Variants in MGAT2 observed in about 807,000 individuals in gnomAD.
MGAT2 encodes the protein alpha-1,6-mannosyl-glycoprotein 2-beta-N-acetylglucosaminyltransferase.
MGAT2 carries 17 observed loss-of-function variants against 33.8 expected under a neutral mutation model. That is an observed-to-expected ratio of 0.50 (90% CI 0.34 to 0.76). The LOEUF (loss-of-function observed/expected upper bound fraction) is 0.76. Ranked by LOEUF, MGAT2 falls within the 30% of genes least tolerant of loss-of-function variation. MGAT2 has a pLI of 0.01. For synonymous variants in MGAT2, 248 were observed against 226.7 expected (o/e 1.09, Z -0.84); for missense variants, 529 against 553.9 (o/e 0.96, Z 0.45).
chr14:49,622,645 T>C lies in MGAT2; in HGVS notation c.*33T>C. 6.3e-7 allele frequency: 1 copy of C among 1,583,510 alleles called. No individual in the cohort carries two copies. Among genetic ancestry groups the C allele is most frequent in the Non-Finnish European group, 8.5e-7 (1 of 1,170,342 alleles). ...AGTTACAAAAGCGACAGTCTTCTAT[T>C]TTTGATATTTGTCCAAACAGGACAT... On this transcript the variant is annotated 3_prime_UTR_variant, in exon 1 of 1. Coordinates refer to ENST00000305386, the MANE Select transcript of MGAT2 (RefSeq NM_002408.4).
chr14:49,621,795 T>A lies in MGAT2; in HGVS notation c.527T>A (p.Phe176Tyr). 6.2e-7 allele frequency: 1 copy of A among 1,614,186 alleles called. No homozygotes were observed. The highest frequency in any genetic ancestry group is 1.6e-4 in the Middle Eastern group (1 of 6,062). ...GVNFCPVLQV[F>Y]FPFSIQLYPN... ...AATTTCTGTCCGGTTCTGCAGGTGT[T>A]CTTTCCTTTCAGCATTCAGTTGTAC... Residue 176 changes from phenylalanine (F) to tyrosine (Y), a missense_variant, in exon 1 of 1, where the codon TTC becomes TAC. Coordinates refer to ENST00000305386, the MANE Select transcript of MGAT2 (RefSeq NM_002408.4). The surrounding 1 kb of genome is among the most constrained non-coding windows in gnomAD (Gnocchi z 4.6).
Position 49,621,506 on chromosome 14 carries a change from C to G in MGAT2, c.238C>G (p.Pro80Ala), listed in dbSNP as rs778901269. The G allele has an allele frequency of 2.5e-6, 4 of 1,611,952 alleles. No individual in the cohort carries two copies. Among genetic ancestry groups the G allele is most frequent in the Non-Finnish European group, 3.4e-6 (4 of 1,178,998 alleles). ...GGCGGCTTCCCTGGTCCCGGCGGTC[C>G]CCCAGCCCGAGGCGGACAACCTGAC... Reference protein sequence around the residue: ...VSAASLVPAVPQPEADNLTLR... With the variant: ...VSAASLVPAVAQPEADNLTLR... Residue 80 changes from proline to alanine, a missense_variant, in exon 1 of 1, where the codon CCC (proline) becomes GCC (alanine). By Grantham distance (27) the Pro-to-Ala change is conservative. Coordinates refer to ENST00000305386, the MANE Select transcript of MGAT2 (RefSeq NM_002408.4). This position sits in a 1 kb window ranked among gnomAD's most constrained non-coding sequence, Gnocchi z 4.6.
rs763942335 is a variant in MGAT2 at position 49,622,189 on chromosome 14, A to G, written c.921A>G (p.Val307=). 3.2e-5 allele frequency: 51 copies of G among 1,614,066 alleles called. 2 individuals carry two copies. In the South Asian group the frequency reaches 5.3e-4, roughly 17 times the overall value. Residue 307 remains valine, a synonymous_variant, in exon 1 of 1, where the codon GTA becomes GTG. Transcript: ENST00000305386. ...SRSFYGMADK[V]DVKTWKSTEH... is the part of the protein sequence containing the mutation. ...GTTTCTATGGCATGGCTGACAAGGTAGATGTGAAAACTTGGAAATCCACAG... is the reference window on the plus strand; with the variant it reads ...GTTTCTATGGCATGGCTGACAAGGTGGATGTGAAAACTTGGAAATCCACAG...
In MGAT2 at chr14:49,622,656, G is replaced by C; in HGVS notation, c.*44G>C. The C allele has an allele frequency of 6.4e-7, 1 of 1,572,102 alleles. No individual in the cohort carries two copies. The highest frequency in any genetic ancestry group is 8.6e-7 in the Non-Finnish European group (1 of 1,164,210). On this transcript the variant is annotated 3_prime_UTR_variant, in exon 1 of 1. Coordinates refer to ENST00000305386, the MANE Select transcript of MGAT2 (RefSeq NM_002408.4). Reference sequence around the variant, plus strand: ...CGACAGTCTTCTATTTTTGATATTTGTCCAAACAGGACATACAATTGAATA... The same window carrying C: ...CGACAGTCTTCTATTTTTGATATTTCTCCAAACAGGACATACAATTGAATA...
chr14:49,622,040 C>T lies in MGAT2; in HGVS notation c.772C>T (p.Leu258=). The T allele has an allele frequency of 3.7e-6, 6 of 1,613,810 alleles. No homozygotes were observed. The highest frequency in any genetic ancestry group is 5.1e-6 in the Non-Finnish European group (6 of 1,179,916). Reference sequence around the variant, plus strand: ...AGATTATGCTGGCCTTATACTTTTCCTAGAAGAGGATCACTACTTAGCCCC... The same window carrying T: ...AGATTATGCTGGCCTTATACTTTTCTTAGAAGAGGATCACTACTTAGCCCC... ...LRDYAGLILF[L]EEDHYLAPDF... is the part of the protein sequence containing the mutation. The change falls in exon 1 of 1, where the codon CTA becomes TTA. Residue 258 remains leucine (L), a synonymous_variant. Coordinates refer to ENST00000305386, the MANE Select transcript of MGAT2 (RefSeq NM_002408.4).
chr14:49,620,894 A>G lies in MGAT2; in HGVS notation c.-375A>G, dbSNP rs1882822446. 1.4e-6 allele frequency: 1 copy of G among 699,694 alleles called. No individual in the cohort carries two copies. The highest frequency in any genetic ancestry group is 1.5e-5 in the South Asian group (1 of 67,444). The allele number at this position is 699,694 out of a possible 1,614,324, so 43.3% of individuals were successfully genotyped here. Reference sequence around the variant, plus strand: ...AGGGCCCCTGTAAGGATGAGAGCGCAGAGGACGCAGGGCCGCTGGAGGCGC... The same window carrying G: ...AGGGCCCCTGTAAGGATGAGAGCGCGGAGGACGCAGGGCCGCTGGAGGCGC... On this transcript the variant is annotated 5_prime_UTR_variant, in exon 1 of 1. Coordinates refer to ENST00000305386, the MANE Select transcript of MGAT2 (RefSeq NM_002408.4).
chr14:49,621,298 G>C lies in MGAT2; in HGVS notation c.30G>C (p.Val10=). The change falls in exon 1 of 1, where the codon GTG becomes GTC. Residue 10 remains valine (V), a synonymous_variant. Transcript: ENST00000305386. The surrounding 1 kb of genome is among the most constrained non-coding windows in gnomAD (Gnocchi z 4.6). ...GGTTCCGCATCTACAAACGGAAGGT[G>C]CTAATCCTGACGCTCGTGGTGGCCG... MRFRIYKRK[V]LILTLVVAAC... 1 of 1,612,598 alleles carries C rather than the reference G, an allele frequency of 6.2e-7. No homozygotes were observed. Among genetic ancestry groups the C allele is most frequent in the Non-Finnish European group, 8.5e-7 (1 of 1,179,798 alleles).
Position 49,622,374 on chromosome 14 carries a change from T to C in MGAT2, c.1106T>C (p.Ile369Thr), listed in dbSNP as rs1882880608. ...PKFWKVLVPQIPRIFHAGDCG... is the reference protein window; with the variant it reads ...PKFWKVLVPQTPRIFHAGDCG... ...TTCTGGAAAGTGCTGGTTCCTCAAATTCCTAGGATCTTTCATGCTGGAGAC... is the reference window on the plus strand; with the variant it reads ...TTCTGGAAAGTGCTGGTTCCTCAAACTCCTAGGATCTTTCATGCTGGAGAC... The change falls in exon 1 of 1, where the codon ATT becomes ACT. Residue 369 changes from isoleucine to threonine, a missense_variant. By Grantham distance (89) the Ile-to-Thr change is moderately conservative (BLOSUM62 -1). Transcript: ENST00000305386. 1 of 1,614,070 alleles carries C rather than the reference T, an allele frequency of 6.2e-7. No individual in the cohort carries two copies. The highest frequency in any genetic ancestry group is 8.5e-7 in the Non-Finnish European group (1 of 1,180,056).
In MGAT2 at chr14:49,622,857, A is replaced by G; in HGVS notation, c.*245A>G. 3.0e-6 allele frequency: 1 copy of G among 335,388 alleles called. No homozygotes were observed. Among genetic ancestry groups the G allele is most frequent in the Non-Finnish European group, 5.6e-6 (1 of 177,302 alleles). The allele number at this position is 335,388 out of a possible 1,614,324, so 20.8% of individuals were successfully genotyped here. A position where few individuals can be genotyped will look rare whatever the true frequency, so the allele number is the denominator to read the frequency against. On this transcript the variant is annotated 3_prime_UTR_variant, in exon 1 of 1. Coordinates refer to ENST00000305386, the MANE Select transcript of MGAT2 (RefSeq NM_002408.4). Reference sequence around the variant, plus strand: ...TATCTGCTAAAATTGATTATTGTTGATATGAGAGAAGAGGGGAAATTTTAT... The same window carrying G: ...TATCTGCTAAAATTGATTATTGTTGGTATGAGAGAAGAGGGGAAATTTTAT...
chr14:49,621,115 C>T lies in MGAT2; in HGVS notation c.-154C>T. The T allele has an allele frequency of 1.8e-6, 2 of 1,133,906 alleles. No individual in the cohort carries two copies. The highest frequency in any genetic ancestry group is 2.5e-6 in the Non-Finnish European group (2 of 786,198). 70.2% of individuals were successfully genotyped at this position (1,133,906 alleles called of 1,614,324 possible). On this transcript the variant is annotated 5_prime_UTR_variant, in exon 1 of 1. Transcript: ENST00000305386. This position sits in a 1 kb window ranked among gnomAD's most constrained non-coding sequence, Gnocchi z 4.6. The stretch of plus-strand genomic sequence containing the variant: ...AATGAGAGGTCTCGGGCCCCAGGAC[C>T]CCCGGGGCCCGGGATGAGTTAGCGA...
Position 49,621,325 on chromosome 14 carries a change from C to T in MGAT2, c.57C>T (p.Ala19=), listed in dbSNP as rs200855540. The T allele has an allele frequency of 1.6e-5, 26 of 1,612,558 alleles. No homozygotes were observed. Among genetic ancestry groups the T allele is most frequent in the Non-Finnish European group, 2.1e-5 (25 of 1,179,784 alleles). ...KVLILTLVVA[A]CGFVLWSSNG... ...TAATCCTGACGCTCGTGGTGGCCGC[C>T]TGCGGCTTCGTCCTCTGGAGCAGCA... is the stretch of plus-strand genomic sequence containing the variant. The change falls in exon 1 of 1, where the codon GCC becomes GCT. Residue 19 remains alanine, a synonymous_variant. Coordinates refer to ENST00000305386, the MANE Select transcript of MGAT2 (RefSeq NM_002408.4). This position sits in a 1 kb window ranked among gnomAD's most constrained non-coding sequence, Gnocchi z 4.6.
In MGAT2 at chr14:49,621,688, A is replaced by G. The variant is rs1397221233; in HGVS notation, c.420A>G (p.Lys140=). The part of the protein sequence containing the change: ...YLRLLLDSLR[K]AQGIDNVLVI... ...GACTGCTGCTGGACTCACTTCGAAAAGCCCAGGGAATTGACAACGTCCTCG... is the reference window on the plus strand; with the variant it reads ...GACTGCTGCTGGACTCACTTCGAAAGGCCCAGGGAATTGACAACGTCCTCG... Residue 140 remains lysine, a synonymous_variant, in exon 1 of 1, where the codon AAA becomes AAG. Transcript: ENST00000305386. The surrounding 1 kb of genome is among the most constrained non-coding windows in gnomAD (Gnocchi z 4.6). The G allele has an allele frequency of 6.2e-7, 1 of 1,614,132 alleles. No homozygotes were observed. Among genetic ancestry groups the G allele is most frequent in the South Asian group, 1.1e-5 (1 of 91,084 alleles).
Position 49,621,504 on chromosome 14 carries a change from T to A in MGAT2, c.236T>A (p.Val79Asp). The A allele has an allele frequency of 6.2e-7, 1 of 1,611,016 alleles. No homozygotes were observed. Among genetic ancestry groups the A allele is most frequent in the East Asian group, 2.2e-5 (1 of 44,810 alleles). Residue 79 changes from valine to aspartate, a missense_variant, in exon 1 of 1, where the codon GTC becomes GAC. By Grantham distance (152) the Val-to-Asp change is radical. This residue lies in a region of MGAT2 where 501 missense variants were observed against 501.1 expected (regional missense o/e 1.00). Transcript: ENST00000305386. The surrounding 1 kb of genome is among the most constrained non-coding windows in gnomAD (Gnocchi z 4.6). ...NVSAASLVPA[V>D]PQPEADNLTL... ...TCGGCGGCTTCCCTGGTCCCGGCGG[T>A]CCCCCAGCCCGAGGCGGACAACCTG...
rs1566503799 is a variant in MGAT2 at position 49,620,959 on chromosome 14, C to G, written c.-310C>G. 1 of 702,150 alleles carries G rather than the reference C, an allele frequency of 1.4e-6. No individual in the cohort carries two copies. The highest frequency in any genetic ancestry group is 2.6e-6 in the Non-Finnish European group (1 of 384,886). The allele number at this position is 702,150 out of a possible 1,614,324, so 43.5% of individuals were successfully genotyped here. A position where few individuals can be genotyped will look rare whatever the true frequency, so the allele number is the denominator to read the frequency against. On this transcript the variant is annotated 5_prime_UTR_variant, in exon 1 of 1. Coordinates refer to ENST00000305386, the MANE Select transcript of MGAT2 (RefSeq NM_002408.4). ...GGGTGCGGTTGGGACCGCGGCTGAG[C>G]TTTTTCCGGGACCCGTGGTGCTGAA...
Position 49,622,716 on chromosome 14 carries a change from AAAAC to A in MGAT2, c.*108_*111del, listed in dbSNP as rs1198239498. 8.2e-7 allele frequency: 1 copy of A among 1,218,312 alleles called. No individual in the cohort carries two copies. The allele number at this position is 1,218,312 out of a possible 1,614,324, so 75.5% of individuals were successfully genotyped here. On this transcript the variant is annotated 3_prime_UTR_variant, in exon 1 of 1. Coordinates refer to ENST00000305386, the MANE Select transcript of MGAT2 (RefSeq NM_002408.4). ...AGGAACTGGTTTCTGCTTTAATACAAAAACAAAATCTTGTAAAAGGTGTCCAAAT... is the reference window on the plus strand; with the variant it reads ...AGGAACTGGTTTCTGCTTTAATACAAAAAATCTTGTAAAAGGTGTCCAAAT...
chr14:49,621,799 T>C lies in MGAT2; in HGVS notation c.531T>C (p.Phe177=), dbSNP rs757312452. ...VNFCPVLQVF[F]PFSIQLYPNE... is the part of the protein sequence containing the mutation. The stretch of plus-strand genomic sequence containing the variant: ...TCTGTCCGGTTCTGCAGGTGTTCTT[T>C]CCTTTCAGCATTCAGTTGTACCCTA... The change falls in exon 1 of 1, where the codon TTT becomes TTC. Residue 177 remains phenylalanine (F), a synonymous_variant. Coordinates refer to ENST00000305386, the MANE Select transcript of MGAT2 (RefSeq NM_002408.4). The surrounding 1 kb of genome is among the most constrained non-coding windows in gnomAD (Gnocchi z 4.6). 1.2e-6 allele frequency: 2 copies of C among 1,614,164 alleles called. No individual in the cohort carries two copies. Among genetic ancestry groups the C allele is most frequent in the Non-Finnish European group, 1.7e-6 (2 of 1,180,034 alleles).
chr14:49,622,235 T>G lies in MGAT2; in HGVS notation c.967T>G (p.Leu323Val). 2.5e-6 allele frequency: 4 copies of G among 1,614,210 alleles called. No individual in the cohort carries two copies. In the South Asian group the frequency reaches 4.4e-5, roughly 18 times the overall value. The change falls in exon 1 of 1, where the codon TTG (leucine) becomes GTG (valine). Residue 323 changes from leucine (L) to valine (V), a missense_variant. By Grantham distance (32) the Leu-to-Val change is conservative. Around this residue, in one of 2 missense-constraint regions of MGAT2, gnomAD observed 501 missense variants for 501.1 expected, o/e 1.00. Transcript: ENST00000305386. The stretch of plus-strand genomic sequence containing the variant: ...CACAGAGCACAATATGGGTCTAGCC[T>G]TGACCCGGAATGCCTATCAGAAGCT... ...KSTEHNMGLA[L>V]TRNAYQKLIE...
rs1882911332 is a variant in MGAT2, at chr14:49,623,401, G to C, written c.*789G>C. ...TCAGTGAAGGCATTCTACAAGTTTT[G>C]AGTTAGCATTACATTTTAATATTTA... is the stretch of plus-strand genomic sequence containing the variant. On this transcript the variant is annotated 3_prime_UTR_variant, in exon 1 of 1. Coordinates refer to ENST00000305386, the MANE Select transcript of MGAT2 (RefSeq NM_002408.4). The C allele has an allele frequency of 6.0e-6, 1 of 166,890 alleles. No individual in the cohort carries two copies. The highest frequency in any genetic ancestry group is 2.1e-4 in the South Asian group (1 of 4,826). The allele number at this position is 166,890 out of a possible 1,614,324, so 10.3% of individuals were successfully genotyped here.
rs2139565309 is a variant in MGAT2 at position 49,621,114 on chromosome 14, C to A, written c.-155C>A. 1 of 1,110,534 alleles carries A rather than the reference C, an allele frequency of 9.0e-7. No individual in the cohort carries two copies. Among genetic ancestry groups the A allele is most frequent in the Non-Finnish European group, 1.3e-6 (1 of 765,126 alleles). The allele number at this position is 1,110,534 out of a possible 1,614,324, so 68.8% of individuals were successfully genotyped here. A position where few individuals can be genotyped will look rare whatever the true frequency, so the allele number is the denominator to read the frequency against. ...AAATGAGAGGTCTCGGGCCCCAGGACCCCCGGGGCCCGGGATGAGTTAGCG... is the reference window on the plus strand; with the variant it reads ...AAATGAGAGGTCTCGGGCCCCAGGAACCCCGGGGCCCGGGATGAGTTAGCG... On this transcript the variant is annotated 5_prime_UTR_variant, in exon 1 of 1. Transcript: ENST00000305386. This position sits in a 1 kb window ranked among gnomAD's most constrained non-coding sequence, Gnocchi z 4.6.
Sources: gnomAD v4.1 joint callset for allele counts on GRCh38, gnomAD v4.1.1 for gene constraint, gnomAD v4.1.1 regional missense constraint, Gnocchi (gnomAD v3.1) non-coding constraint, MANE v1.5 for transcripts, NCBI Gene and HGNC (gene_info 2026-07-23, HGNC 2026-07-21) for gene names.